PHTF2: variants seen among roughly 807,000 people sequenced by gnomAD.
PHTF2 encodes the protein protein PHTF2.
In PHTF2, 60 loss-of-function variants were observed where a neutral mutation model predicts 101.2. The ratio of observed to expected loss-of-function variants is 0.59; its 90% CI spans 0.48 to 0.73. The LOEUF (loss-of-function observed/expected upper bound fraction) is 0.73. PHTF2 is among the 30% of genes least tolerant of loss of function. The probability of loss-of-function intolerance (pLI) is 0.00; values close to 1 mark genes in which losing one functional copy is unlikely to be tolerated. For missense variants in PHTF2, 747 were observed against 908.7 expected, an observed-to-expected ratio of 0.82 and a Z score of 2.29; for synonymous variants, 311 against 307.3, an observed-to-expected ratio of 1.01 and a Z score of -0.13.
At chr7:77,953,622 C>G in intron 18 of PHTF2, 147 bp from the exon 18 acceptor site, 1 of 559,146 alleles carries the variant, frequency 1.8e-6, no homozygotes, top group South Asian at 3.7e-5. Context: ...TTACTTCTTT[C>G]AAGTTTAACC....
intron 3 of PHTF2, among the ~76,000 whole-genome samples, chr7:77,863,793 T>TG (rs1259773000): frequency 1.3e-5 from 2 of 151,354 alleles, no homozygotes; most frequent in African/African-American, 2.4e-5. Flanking sequence ...TTTTGTTTTT[T>TG]TTTTTTTTTG....
chr7:77,847,402 C>T (rs1796389247), intron 2 of PHTF2, among the ~76,000 whole-genome samples: 15 of 152,144 alleles, frequency 9.9e-5, no homozygotes, highest in Admixed American at 9.2e-4. Context: ...TATAGCATCG[C>T]GACCTCTATT....
intron 9 of PHTF2, among the ~76,000 whole-genome samples, chr7:77,919,114 G>A (rs1017808058): frequency 3.3e-5 from 5 of 152,104 alleles, no homozygotes; most frequent in African/African-American, 1.2e-4. Context: ...GTACTCTAGT[G>A]CGAGCTTTGC....
chr7:77,925,124 G>A (rs577416835), intron 11 of PHTF2, among the ~76,000 whole-genome samples: 20 of 152,248 alleles, frequency 1.3e-4, no homozygotes, highest in African/African-American at 2.9e-4. Context: ...GATGAGAAGC[G>A]TAATGAAGAA....
At chr7:77,935,524 G>GT (rs894634376) in intron 12 of PHTF2, among the ~76,000 whole-genome samples, 4 of 152,024 alleles carry the variant, frequency 2.6e-5, no homozygotes, top group African/African-American at 9.7e-5. Context: ...CGCGCCCGGC[G>GT]TAATTAACTC....
At chr7:77,901,605 ATATT>A (rs1801398587) in intron 6 of PHTF2, among the ~76,000 whole-genome samples, 153 bp from the exon 6 acceptor site, 1 of 152,228 alleles carries the variant, frequency 6.6e-6, no homozygotes, top group Admixed American at 6.5e-5. Flanking sequence ...TTTTTTCAAA[ATATT>A]TAAAGTATCT....
chr7:77,815,878 T>G (rs918898241), intron 1 of PHTF2, among the ~76,000 whole-genome samples: 4 of 152,222 alleles, frequency 2.6e-5, no homozygotes, highest in Non-Finnish European at 5.9e-5. Context: ...TCGGATCTGC[T>G]AGGTCAGTTA....
At chr7:77,952,922 T>C (rs1489707683) in intron 18 of PHTF2, among the ~76,000 whole-genome samples, 1 of 152,178 alleles carries the variant, frequency 6.6e-6, no homozygotes, top group Non-Finnish European at 1.5e-5. Context: ...AGTACGGCCC[T>C]ATGTGAGATC....
chr7:77,855,667 G>A (rs943947070), intron 3 of PHTF2, among the ~76,000 whole-genome samples: 3 of 152,150 alleles, frequency 2.0e-5, no homozygotes, highest in African/African-American at 7.2e-5. Flanking sequence ...TGCTTGGCTG[G>A]ATGATACCCC....
intron 1 of PHTF2, among the ~76,000 whole-genome samples, chr7:77,820,178 C>T (rs1421149008): frequency 2.0e-5 from 3 of 152,222 alleles, no homozygotes; most frequent in East Asian, 1.9e-4. Flanking sequence ...CGTGAGCCAC[C>T]GCACCCGGCT....
intron 7 of PHTF2, among the ~76,000 whole-genome samples, chr7:77,905,776 G>T (rs1048051988): frequency 6.6e-6 from 1 of 152,016 alleles, no homozygotes; most frequent in Non-Finnish European, 1.5e-5. Context: ...GGGATTACAG[G>T]TGTGAGCCAT....
At chr7:77,856,369 T>G (rs550793414) in intron 3 of PHTF2, among the ~76,000 whole-genome samples, 117 of 151,112 alleles carry the variant, frequency 7.7e-4, no homozygotes, top group Middle Eastern at 3.4e-3. Flanking sequence ...ATTTATTTAT[T>G]TTTAGAGACA....
rs143735177 is a variant in PHTF2, at chr7:77,912,934, T to A, written c.776+2525T>A. ...TATTTTAAAACCCTGTATTTATAAG[T>A]TGGAAAGGTACTGTTTGTCATCTCT... On this transcript the variant is annotated intron_variant, in intron 9 of 19. Transcript: ENST00000416283. Among the ~76,000 whole-genome samples the A allele has an allele frequency of 2.8e-3, 430 of 151,888 alleles. 1 individual carries two copies. The highest frequency in any genetic ancestry group is 9.8e-3 in the African/African-American group (408 of 41,482).
At chr7:77,820,976 T>C (rs1226934606) in intron 1 of PHTF2, among the ~76,000 whole-genome samples, 1 of 152,222 alleles carries the variant, frequency 6.6e-6, no homozygotes, top group Non-Finnish European at 1.5e-5. Context: ...ATCATCCTTT[T>C]ACTTCCAACT....
chr7:77,949,491 G>A (rs1320487966), intron 16 of PHTF2, among the ~76,000 whole-genome samples, 187 bp from the exon 16 acceptor site: 1 of 152,046 alleles, frequency 6.6e-6, no homozygotes, highest in East Asian at 1.9e-4. Context: ...ACAAAACTGG[G>A]TAGAGGCCCC....
intron 2 of PHTF2, among the ~76,000 whole-genome samples, chr7:77,840,705 G>A (rs1307411531): frequency 6.6e-6 from 1 of 151,840 alleles, no homozygotes; most frequent in Non-Finnish European, 1.5e-5. Flanking sequence ...AAAGTTTTGG[G>A]AACTCTATTT....
intron 1 of PHTF2, among the ~76,000 whole-genome samples, chr7:77,808,843 CT>C (rs1793191744): frequency 6.6e-6 from 1 of 152,124 alleles, no homozygotes; most frequent in Non-Finnish European, 1.5e-5. Context: ...TGTTTCCACT[CT>C]TTCGGGGATG....
In PHTF2 at chr7:77,909,966, A is replaced by G. The variant is rs1802227197; in HGVS notation, c.612-279A>G. 2.1e-5 allele frequency: 5 copies of G among 233,372 alleles called. 1 individual carries two copies. In the East Asian group the frequency reaches 4.5e-4, roughly 21 times the overall value. The allele number at this position is 233,372 out of a possible 1,614,324, so 14.5% of individuals were successfully genotyped here. ...GCAGATAAGTGGCATTCAAATAGGGAAGAAATGCTTTTGTAAATATCCATC... is the reference window on the plus strand; with the variant it reads ...GCAGATAAGTGGCATTCAAATAGGGGAGAAATGCTTTTGTAAATATCCATC... On this transcript the variant is annotated intron_variant, in intron 8 of 19. Transcript: ENST00000416283.
chr7:77,843,545 G>A (rs1796048018), intron 2 of PHTF2, among the ~76,000 whole-genome samples: 1 of 152,142 alleles, frequency 6.6e-6, no homozygotes, highest in South Asian at 2.1e-4. Flanking sequence ...ACACAGATCT[G>A]TTTTTCTCTT....
Sources: gnomAD v4.1 joint callset for allele counts (sites outside exome capture counted in the v4.1 genomes callset) on GRCh38, gnomAD v4.1.1 for gene constraint, MANE v1.5 for transcripts, NCBI Gene and HGNC (gene_info 2026-07-23, HGNC 2026-07-21) for gene names.